ZNF44: variants seen among roughly 807,000 people sequenced by gnomAD.
ZNF44 encodes gonadotropin inducible transcription repressor-2.
A neutral mutation model predicts 11.7 loss-of-function variants in ZNF44; 9 were observed. That is an observed-to-expected ratio of 0.77 (90% CI 0.46 to 1.35). The LOEUF is 1.35. Among genes scored for constraint, ZNF44 ranks in the 40% most tolerant of loss-of-function variants. The pLI, the probability that ZNF44 is intolerant of heterozygous loss-of-function variation, is 0.00. For missense variants in ZNF44, 696 were observed against 743.1 expected (o/e 0.94, Z 0.74); for synonymous variants, 224 against 242.7 (o/e 0.92, Z 0.72).
chr19:12,291,490 T>A (rs1968002783), intron 1 of ZNF44, among the ~76,000 whole-genome samples: 1 of 152,038 alleles, frequency 6.6e-6, no homozygotes, highest in Admixed American at 6.6e-5. Flanking sequence ...AAAAGTTTTT[T>A]AAAAATGCTC....
In ZNF44 at chr19:12,272,265, A is replaced by G; in HGVS notation, c.*142T>C. 1 of 1,303,158 alleles carries G rather than the reference A, an allele frequency of 7.7e-7. No homozygotes were observed. The allele number at this position is 1,303,158 out of a possible 1,614,324, so 80.7% of individuals were successfully genotyped here. The stretch of plus-strand genomic sequence containing the variant: ...TGATCTGCCCTCCTCGGCCTCTCAA[A>G]GTGCTGGGATTACAGGTGTGAGCCG... On this transcript the variant is annotated 3_prime_UTR_variant, in exon 4 of 4. Coordinates refer to ENST00000355684, the MANE Select transcript of ZNF44 (RefSeq NM_016264.4).
chr19:12,263,579 G>C (rs933137193), intron 5 of ZNF44, among the ~76,000 whole-genome samples: 5 of 152,044 alleles, frequency 3.3e-5, no homozygotes, highest in Non-Finnish European at 7.4e-5. Context: ...TTTGAGACCA[G>C]CTTGGGCAAT....
intron 2 of ZNF44, among the ~76,000 whole-genome samples, chr19:12,233,184 C>G (rs998091940): frequency 2.6e-5 from 4 of 151,982 alleles, no homozygotes; most frequent in African/African-American, 9.7e-5. Context: ...TGAGAAACCC[C>G]CCTCCGGCCA....
At chr19:12,284,880 G>C (rs564744360) in intron 1 of ZNF44, 1 of 758,556 alleles carries the variant, frequency 1.3e-6, no homozygotes, top group African/African-American at 1.7e-5. Context: ...CTCTGTGCTG[G>C]TGCGCCTCAT....
rs1967002785 is a variant in ZNF44, at chr19:12,272,678, T to C, written c.1577A>G (p.His526Arg). 1.2e-6 allele frequency: 2 copies of C among 1,614,040 alleles called. No individual in the cohort carries two copies. Among genetic ancestry groups the C allele is most frequent in the East Asian group, 2.2e-5 (1 of 44,872 alleles). ...FSYLKTHERT[H>R]TAEKPYECKQ... ...ACATTCATATGGCTTCTCTGCCGTG[T>C]GAGTCCTTTCATGAGTTTTTAAGTA... Residue 526 changes from histidine (H) to arginine (R), a missense_variant, in exon 4 of 4, where the codon CAC becomes CGC. His to Arg is a conservative substitution (Grantham distance 29, BLOSUM62 0). Coordinates refer to ENST00000355684, the MANE Select transcript of ZNF44 (RefSeq NM_016264.4).
chr19:12,260,783 C>G (rs1258290785), intron 5 of ZNF44, among the ~76,000 whole-genome samples: 2 of 152,016 alleles, frequency 1.3e-5, no homozygotes, highest in Non-Finnish European at 2.9e-5. Context: ...TGGTAGGGCT[C>G]AACAATGGAA....
At chr19:12,245,104 A>G (rs1230105225), downstream of ZNF44, among the ~76,000 whole-genome samples, 1 of 152,216 alleles carries the variant, frequency 6.6e-6, no homozygotes, top group Non-Finnish European at 1.5e-5. Flanking sequence ...GTGACCATGT[A>G]AGAATTTTAA....
At chr19:12,267,016 C>T (rs1599518978), downstream of ZNF44, among the ~76,000 whole-genome samples, 1 of 151,016 alleles carries the variant, frequency 6.6e-6, no homozygotes, top group Non-Finnish European at 1.5e-5. Flanking sequence ...ACACCTTATC[C>T]CTCAGTCTAC....
chr19:12,294,638 T>TGGTTCCGACC lies in ZNF44; in HGVS notation c.3+44_3+53dup. 7 of 1,547,520 alleles carry TGGTTCCGACC rather than the reference T, an allele frequency of 4.5e-6. No homozygotes were observed. The South Asian group carries it at 7.2e-5, about 16-fold the overall frequency. On this transcript the variant is annotated intron_variant, in intron 1 of 3. Transcript: ENST00000355684. The stretch of plus-strand genomic sequence containing the variant: ...GGGTCCCGCCACAGCCGGTTCCGAC[T>TGGTTCCGACC]GGTTCCGACCAGCCCTTCGCCCTGC...
chr19:12,270,195 C>T (rs1966905162), downstream of ZNF44, among the ~76,000 whole-genome samples: 1 of 152,058 alleles, frequency 6.6e-6, no homozygotes, highest in Non-Finnish European at 1.5e-5. Flanking sequence ...GATACATTTG[C>T]TCTTTCTTAG....
intron 1 of ZNF44, 116 bp from the exon 2 acceptor site, chr19:12,276,198 G>A (rs557665255): frequency 4.3e-5 from 62 of 1,458,782 alleles, no homozygotes; most frequent in East Asian, 1.6e-4. Context: ...ATTCAATGAC[G>A]TGGTAAATCC....
At chr19:12,269,427 C>T (rs1966890455), downstream of ZNF44, among the ~76,000 whole-genome samples, 1 of 152,124 alleles carries the variant, frequency 6.6e-6, no homozygotes, top group Non-Finnish European at 1.5e-5. Context: ...GAGGCTGAGG[C>T]AGGAGAATCA....
At chr19:12,260,516 C>A in intron 5 of ZNF44, 4 of 1,159,556 alleles carry the variant, frequency 3.4e-6, no homozygotes, top group Non-Finnish European at 5.0e-6. Context: ...GGAAGCGGAC[C>A]CGCGCCACCA....
chr19:12,287,300 C>T (rs187782471), intron 1 of ZNF44, among the ~76,000 whole-genome samples: 5 of 152,126 alleles, frequency 3.3e-5, no homozygotes, highest in South Asian at 4.1e-4. Flanking sequence ...CTGCAGCCTC[C>T]GCCTCCTGGG....
intron 1 of ZNF44, among the ~76,000 whole-genome samples, chr19:12,282,721 C>T (rs748645102): frequency 2.6e-5 from 4 of 152,004 alleles, no homozygotes; most frequent in Non-Finnish European, 5.9e-5. Flanking sequence ...CCACGCCTGG[C>T]GAGAAGTCTT....
chr19:12,278,399 T>C (rs1967325388), intron 1 of ZNF44, among the ~76,000 whole-genome samples: 2 of 152,212 alleles, frequency 1.3e-5, no homozygotes, highest in Admixed American at 1.3e-4. Flanking sequence ...AGCCCCCTGA[T>C]TTCCCACTCC....
chr19:12,283,574 C>T (rs1967584211), intron 1 of ZNF44, among the ~76,000 whole-genome samples: 1 of 152,180 alleles, frequency 6.6e-6, no homozygotes, highest in Non-Finnish European at 1.5e-5. Context: ...CATGATCCGC[C>T]CTCCTCGGCC....
In ZNF44 at chr19:12,272,890, T is replaced by G. The variant is rs758394858; in HGVS notation, c.1365A>C (p.Lys455Asn). 275 of 1,614,002 alleles carry G rather than the reference T, an allele frequency of 1.7e-4. No homozygotes were observed. Among genetic ancestry groups the G allele is most frequent in the Non-Finnish European group, 2.2e-4 (260 of 1,180,020 alleles). The change falls in exon 4 of 4, where the codon AAA becomes AAC. Residue 455 changes from lysine (K) to asparagine (N), a missense_variant. Physicochemically the swap from Lys to Asn is moderately conservative, Grantham distance 94. Transcript: ENST00000355684. ...GEQPYKCKCG[K>N]AFSDLFSFQS... Reference sequence around the variant, plus strand: ...GAAAGGAAAATAAATCACTAAAAGCTTTTCCACATTTACATTTATAGGGTT... The same window carrying G: ...GAAAGGAAAATAAATCACTAAAAGCGTTTCCACATTTACATTTATAGGGTT...
chr19:12,255,762 G>C (rs1035601199), intron 5 of ZNF44, among the ~76,000 whole-genome samples: 1 of 152,024 alleles, frequency 6.6e-6, no homozygotes, highest in Non-Finnish European at 1.5e-5. Flanking sequence ...TAGTCTGGCC[G>C]GGCACGGTGG....
Sources: gnomAD v4.1 joint callset for allele counts (sites outside exome capture counted in the v4.1 genomes callset) on GRCh38, gnomAD v4.1.1 for gene constraint, MANE v1.5 for transcripts, NCBI Gene and HGNC (gene_info 2026-07-23, HGNC 2026-07-21) for gene names.